Variants in CDH3 observed in about 807,000 individuals in gnomAD.
The protein encoded by CDH3 is cadherin 3, also known as cadherin-3.
Under a neutral mutation model 82.0 loss-of-function variants are expected in CDH3, and 54 were observed. The observed-to-expected ratio is 0.66, with a 90% CI of 0.53 to 0.83. The LOEUF (loss-of-function observed/expected upper bound fraction) is 0.83. Among genes scored for constraint, CDH3 ranks in the 40% least tolerant of loss-of-function variants. The pLI, the probability that CDH3 is intolerant of heterozygous loss-of-function variation, is 0.00. For missense variants in CDH3, 1,054 were observed against 1,084.6 expected (o/e 0.97, Z 0.40); for synonymous variants, 446 against 437.9 (o/e 1.02, Z -0.23).
intron 2 of CDH3, among the ~76,000 whole-genome samples, chr16:68,657,017 A>G (rs1217936019): frequency 6.6e-6 from 1 of 151,956 alleles, no homozygotes; most frequent in Non-Finnish European, 1.5e-5. Flanking sequence ...GAAGAGCTTG[A>G]CAGACCCTTC....
chr16:68,702,144 G>T (rs971399629), downstream of CDH3, among the ~76,000 whole-genome samples: 2 of 151,934 alleles, frequency 1.3e-5, no homozygotes, highest in African/African-American at 2.4e-5. Context: ...TGCCCACCTC[G>T]GCCTCCCAAA....
intron 2 of CDH3, among the ~76,000 whole-genome samples, chr16:68,647,954 A>G (rs1258900213): frequency 6.6e-6 from 1 of 152,178 alleles, no homozygotes; most frequent in Non-Finnish European, 1.5e-5. Context: ...AAGGGTGTCT[A>G]TGAAGTTCAG....
intron 4 of CDH3, 79 bp from the exon 5 acceptor site, chr16:68,678,422 C>G: frequency 6.3e-7 from 1 of 1,576,782 alleles, no homozygotes; most frequent in Non-Finnish European, 8.7e-7. Flanking sequence ...TATGGCAGTG[C>G]CCCTCTTCAC....
chr16:68,678,946 C>G (rs772229250), intron 6 of CDH3, 40 bp downstream of exon 6: 4 of 1,605,418 alleles, frequency 2.5e-6, no homozygotes, highest in Non-Finnish European at 2.6e-6. Context: ...GGGCTGGGCC[C>G]ACACCCTTAA....
intron 2 of CDH3, among the ~76,000 whole-genome samples, chr16:68,655,952 T>A (rs960203366): frequency 3.3e-5 from 5 of 152,116 alleles, no homozygotes; most frequent in Non-Finnish European, 1.5e-5. Flanking sequence ...TGGAGAAACC[T>A]CGAGGAACTG....
In CDH3 at chr16:68,659,804, CTT is replaced by C. The variant is rs71148930; in HGVS notation, c.160+14068_160+14069del. ...GATTTTATAAGAATCCTTGTAGACC[CTT>C]TTTTTTTTTTTTTGCACAAAAAACT... is the stretch of plus-strand genomic sequence containing the variant. On this transcript the variant is annotated intron_variant, in intron 2 of 15. Transcript: ENST00000264012. Among the ~76,000 whole-genome samples the C allele has an allele frequency of 8.5e-3, 1,120 of 131,922 alleles. 5 individuals carry two copies. The highest frequency in any genetic ancestry group is 0.021 in the African/African-American group (774 of 36,262). 86.5% of individuals were successfully genotyped at this position (131,922 alleles called of 152,430 possible). A position where few individuals can be genotyped will look rare whatever the true frequency, so the allele number is the denominator to read the frequency against.
intron 2 of CDH3, among the ~76,000 whole-genome samples, chr16:68,656,502 TTATG>T (rs200724727): frequency 1.3e-3 from 203 of 152,226 alleles, no homozygotes; most frequent in African/African-American, 4.7e-3. Flanking sequence ...ACTATGTACT[TTATG>T]TAATAAGCCC....
At position 68,671,638 on chromosome 16, in the gene CDH3, C is replaced by G. The variant is rs556286096; in HGVS notation, c.161-4747C>G. Among the ~76,000 whole-genome samples the G allele has an allele frequency of 4.6e-5, 7 of 150,800 alleles. No individual in the cohort carries two copies. The East Asian group carries it at 1.4e-3, about 30-fold the overall frequency. ...CTGGGTTCAAGCGATTCTCCTGCCT[C>G]AGCCTCCCGGGTAGCTGGGACTACA... On this transcript the variant is annotated intron_variant, in intron 2 of 15. Coordinates refer to ENST00000264012, the MANE Select transcript of CDH3 (RefSeq NM_001793.6).
chr16:68,671,750 G>A (rs1960889406), intron 2 of CDH3, among the ~76,000 whole-genome samples: 1 of 152,008 alleles, frequency 6.6e-6, no homozygotes, highest in Non-Finnish European at 1.5e-5. Context: ...TCAAACTCCT[G>A]ACCTCAGGTG....
intron 2 of CDH3, among the ~76,000 whole-genome samples, chr16:68,650,224 G>T (rs2152089306): frequency 6.6e-6 from 1 of 152,238 alleles, no homozygotes; most frequent in South Asian, 2.1e-4. Context: ...TAGCATCGTG[G>T]TCAGGTCCCC....
At chr16:68,646,204 T>C (rs1271970821) in intron 2 of CDH3, 3 of 179,366 alleles carry the variant, frequency 1.7e-5, no homozygotes, top group Admixed American at 5.7e-5. Context: ...CCGGGTCTGT[T>C]TCTTTTCTCC....
At chr16:68,689,524 A>T (rs1961505126) in intron 12 of CDH3, among the ~76,000 whole-genome samples, 1 of 149,788 alleles carries the variant, frequency 6.7e-6, no homozygotes, top group Admixed American at 6.7e-5. Flanking sequence ...TGACAGAGCG[A>T]GACTCTGTCT....
At position 68,681,010 on chromosome 16, in the gene CDH3, G is replaced by A; in HGVS notation, c.910G>A (p.Asp304Asn). 1 of 1,614,108 alleles carries A rather than the reference G, an allele frequency of 6.2e-7. No individual in the cohort carries two copies. The change falls in exon 8 of 16, where the codon GAT becomes AAT. Residue 304 changes from aspartate (D) to asparagine (N), a missense_variant. By Grantham distance (23) the Asp-to-Asn change is conservative (BLOSUM62 1). Coordinates refer to ENST00000264012, the MANE Select transcript of CDH3 (RefSeq NM_001793.6). ...ACTGACCATCCAGGCCACAGACATG[G>A]ATGGGGACGGCTCCACCACCACGGC... is the stretch of plus-strand genomic sequence containing the variant. ...YTLTIQATDM[D>N]GDGSTTTAVA...
chr16:68,684,333 C>T (rs902231406), intron 9 of CDH3, among the ~76,000 whole-genome samples: 3 of 152,166 alleles, frequency 2.0e-5, no homozygotes, highest in Non-Finnish European at 4.4e-5. Context: ...CAAACATCAC[C>T]ACCACTCCAC....
At chr16:68,648,721 T>C (rs566882000) in intron 2 of CDH3, among the ~76,000 whole-genome samples, 4 of 152,190 alleles carry the variant, frequency 2.6e-5, no homozygotes, top group Admixed American at 1.3e-4. Flanking sequence ...AGCACTGAGA[T>C]GACAGGTACG....
chr16:68,729,234 G>A (rs1403456136), downstream of CDH3, among the ~76,000 whole-genome samples: 2 of 152,192 alleles, frequency 1.3e-5, no homozygotes, highest in African/African-American at 2.4e-5. Context: ...GAACCCGGGA[G>A]GCGGAGGTTG....
intron 6 of CDH3, 85 bp from the exon 7 acceptor site, chr16:68,679,714 A>AAAG (rs1555506169): frequency 2.5e-6 from 2 of 806,170 alleles, no homozygotes; most frequent in African/African-American, 1.8e-5. Flanking sequence ...AAAAAAAAAA[A>AAAG]AAAAGAAAAG....
downstream of CDH3, among the ~76,000 whole-genome samples, chr16:68,731,055 T>C (rs1330610534): frequency 3.0e-3 from 109 of 35,906 alleles, no homozygotes; most frequent in African/African-American, 4.4e-3. Flanking sequence ...AAAATATATA[T>C]ATATATATAT....
intron 2 of CDH3, among the ~76,000 whole-genome samples, chr16:68,661,026 TATATTCTC>T (rs1257397990): frequency 6.6e-6 from 1 of 152,050 alleles, no homozygotes; most frequent in Non-Finnish European, 1.5e-5. Flanking sequence ...ATTCAAGACT[TATATTCTC>T]ATATGAATAC....
Sources: allele counts gnomAD v4.1 joint callset (sites outside exome capture counted in the v4.1 genomes callset), GRCh38; gene constraint gnomAD v4.1.1; transcripts MANE v1.5; gene names NCBI Gene and HGNC (gene_info 2026-07-23, HGNC 2026-07-21).